RIMS1: variants seen among roughly 807,000 people sequenced by gnomAD.
The protein encoded by RIMS1 is regulating synaptic membrane exocytosis 1.
Under a neutral mutation model 214.1 loss-of-function variants are expected in RIMS1, and 83 were observed. The observed-to-expected ratio is 0.39, with a 90% confidence interval of 0.32 to 0.47. The LOEUF (loss-of-function observed/expected upper bound fraction) is 0.47, where lower values mean the gene tolerates loss of function less well. RIMS1 is among the 20% of genes least tolerant of loss of function. The pLI is 0.99. For missense variants in RIMS1, 2,050 were observed against 2,161.8 expected, an observed-to-expected ratio of 0.95 and a Z score of 1.03; for synonymous variants, 793 against 786.8, an observed-to-expected ratio of 1.01 and a Z score of -0.13.
intron 29 of RIMS1, among the ~76,000 whole-genome samples, chr6:72,367,897 TA>T (rs892856984): frequency 6.6e-6 from 1 of 152,224 alleles, no homozygotes; most frequent in South Asian, 2.1e-4. Flanking sequence ...TTTATTTATA[TA>T]TTTTTTTATA....
intron 4 of RIMS1, among the ~76,000 whole-genome samples, chr6:72,165,605 A>G (rs1394292549): frequency 1.3e-5 from 2 of 152,124 alleles, no homozygotes; most frequent in African/African-American, 2.4e-5. Context: ...ATATAATTTG[A>G]GGTTTATGTC....
At chr6:72,297,224 A>G (rs1276640978) in intron 26 of RIMS1, among the ~76,000 whole-genome samples, 3 of 151,998 alleles carry the variant, frequency 2.0e-5, no homozygotes, top group Non-Finnish European at 4.4e-5. Context: ...ATTTCTAGCC[A>G]TCTTGCTGCA....
intron 4 of RIMS1, among the ~76,000 whole-genome samples, chr6:72,115,177 TTTGA>T (rs1241841872): frequency 3.3e-5 from 5 of 151,996 alleles, no homozygotes; most frequent in Admixed American, 1.3e-4. Context: ...AATTCATACC[TTTGA>T]TTGGCATATG....
At chr6:72,342,855 A>G (rs963323543) in intron 29 of RIMS1, among the ~76,000 whole-genome samples, 3 of 151,820 alleles carry the variant, frequency 2.0e-5, no homozygotes, top group African/African-American at 4.8e-5. Context: ...TGAGTATGAC[A>G]GAAAAGAGGA....
intron 2 of RIMS1, among the ~76,000 whole-genome samples, chr6:72,009,816 A>C (rs1471512027): frequency 2.6e-5 from 4 of 152,230 alleles, no homozygotes; most frequent in African/African-American, 9.7e-5. Flanking sequence ...ACAGGCTCTG[A>C]AATTGAGGCA....
At chr6:72,398,115 A>AG in intron 31 of RIMS1, 134 bp from the exon 32 acceptor site, 1 of 550,870 alleles carries the variant, frequency 1.8e-6, no homozygotes, top group Non-Finnish European at 3.2e-6. Context: ...TTGTGGAGTG[A>AG]GGGGTCTAAA....
rs746569613 is a variant in RIMS1 at position 72,179,664 on chromosome 6, A to G, written c.561A>G (p.Thr187=). 8.1e-6 allele frequency: 13 copies of G among 1,613,852 alleles called. No individual in the cohort carries two copies. The Admixed American group carries it at 2.2e-4, about 27-fold the overall frequency. Residue 187 remains threonine (T), a synonymous_variant, in exon 5 of 34, where the codon ACA becomes ACG. Coordinates refer to ENST00000521978, the MANE Select transcript of RIMS1 (RefSeq NM_014989.7). The part of the protein sequence containing the change: ...AWFFGSGPQQ[T]SQDGTLSDTA... The stretch of plus-strand genomic sequence containing the variant: ...TCTTTGGAAGTGGCCCTCAGCAGAC[A>G]AGTCAGGATGGAACCCTGAGTGATA...
At chr6:72,142,013 A>AAAAC (rs2042134534) in intron 4 of RIMS1, among the ~76,000 whole-genome samples, 1 of 152,128 alleles carries the variant, frequency 6.6e-6, no homozygotes, top group Admixed American at 6.5e-5. Flanking sequence ...TAAAACATCT[A>AAAAC]TTAAAAGTGA....
At chr6:72,170,827 ATATT>A (rs1333319504) in intron 4 of RIMS1, among the ~76,000 whole-genome samples, 1 of 152,184 alleles carries the variant, frequency 6.6e-6, no homozygotes. Flanking sequence ...AAATAAAATA[ATATT>A]TATTTACCTT....
intron 4 of RIMS1, among the ~76,000 whole-genome samples, chr6:72,162,954 G>C (rs555036642): frequency 7.4e-6 from 1 of 135,982 alleles, no homozygotes; most frequent in East Asian, 2.0e-4. Flanking sequence ...GATTGGGGAA[G>C]TTCTCCTGGA....
At chr6:72,120,174 T>C (rs1182131845) in intron 4 of RIMS1, among the ~76,000 whole-genome samples, 1 of 151,880 alleles carries the variant, frequency 6.6e-6, no homozygotes, top group East Asian at 1.9e-4. Flanking sequence ...TACCCAGTAA[T>C]GGGATGGCTG....
At chr6:72,271,977 C>T (rs2154189210) in intron 22 of RIMS1, among the ~76,000 whole-genome samples, 1 of 152,210 alleles carries the variant, frequency 6.6e-6, no homozygotes, top group East Asian at 1.9e-4. Flanking sequence ...AAGGAGTGGG[C>T]TCCCAAGAAA....
intron 24 of RIMS1, among the ~76,000 whole-genome samples, chr6:72,289,589 C>T (rs2093002938): frequency 6.6e-6 from 1 of 152,052 alleles, no homozygotes; most frequent in African/African-American, 2.4e-5. Flanking sequence ...TGACATTTTC[C>T]TGTTTTGTTG....
chr6:72,334,335 T>C (rs940535843), intron 29 of RIMS1, among the ~76,000 whole-genome samples: 1 of 151,842 alleles, frequency 6.6e-6, no homozygotes, highest in African/African-American at 2.4e-5. Context: ...GCAGTGATTT[T>C]TACTTTAGAA....
intron 6 of RIMS1, among the ~76,000 whole-genome samples, chr6:72,228,296 T>C (rs530442284): frequency 2.4e-4 from 37 of 152,012 alleles, no homozygotes; most frequent in South Asian, 8.3e-4. Context: ...CCTTTTGACT[T>C]ATACCTCCCC....
Position 72,181,229 on chromosome 6 carries a change from A to G in RIMS1, c.813-1055A>G, listed in dbSNP as rs577404081. Among the ~76,000 whole-genome samples, 7 of 152,320 alleles carry G rather than the reference A, an allele frequency of 4.6e-5. No homozygotes were observed. In the South Asian group the frequency reaches 1.4e-3, roughly 32 times the overall value. On this transcript the variant is annotated intron_variant, in intron 5 of 33. Coordinates refer to ENST00000521978, the MANE Select transcript of RIMS1 (RefSeq NM_014989.7). ...CCTAGGAAAGAGGAAGTGACTTCTCAATTAAGCTTTGTAAGATACTCAGGA... is the reference window on the plus strand; with the variant it reads ...CCTAGGAAAGAGGAAGTGACTTCTCGATTAAGCTTTGTAAGATACTCAGGA...
intron 33 of RIMS1, among the ~76,000 whole-genome samples, chr6:72,399,456 A>C (rs2098816039): frequency 6.6e-6 from 1 of 152,118 alleles, no homozygotes; most frequent in Admixed American, 6.6e-5. Flanking sequence ...AGATAGATAC[A>C]GATATAGCAA....
At chr6:72,041,711 G>A (rs1160168282) in intron 2 of RIMS1, among the ~76,000 whole-genome samples, 1 of 151,800 alleles carries the variant, frequency 6.6e-6, no homozygotes, top group African/African-American at 2.4e-5. Context: ...GAGTTATCAG[G>A]GAGTATGGAC....
chr6:72,060,255 C>A (rs1476834998), intron 2 of RIMS1, among the ~76,000 whole-genome samples: 2 of 152,088 alleles, frequency 1.3e-5, no homozygotes, highest in African/African-American at 4.8e-5. Flanking sequence ...AGACATGAAC[C>A]ACTGCGCCCA....
Sources: gnomAD v4.1 joint callset for allele counts (sites outside exome capture counted in the v4.1 genomes callset) on GRCh38, gnomAD v4.1.1 for gene constraint, MANE v1.5 for transcripts, NCBI Gene and HGNC (gene_info 2026-07-23, HGNC 2026-07-21) for gene names.